SRPK2: variants seen among roughly 807,000 people sequenced by gnomAD.
SRPK2 encodes SFRS protein kinase 2.
In SRPK2, 21 loss-of-function variants were observed where a neutral mutation model predicts 90.8. The ratio of observed to expected loss-of-function variants is 0.23; its 90% CI spans 0.16 to 0.33. SRPK2 has a LOEUF of 0.33. SRPK2 is among the 10% of genes least tolerant of loss of function. SRPK2 has a pLI of 1.00. For synonymous variants in SRPK2, 288 were observed against 311.1 expected (o/e 0.93, Z 0.78); for missense variants, 620 against 869.0 (o/e 0.71, Z 3.60).
chr7:105,171,089 G>A (rs973780608), intron 3 of SRPK2, among the ~76,000 whole-genome samples: 2 of 151,162 alleles, frequency 1.3e-5, no homozygotes, highest in African/African-American at 4.9e-5. Context: ...GGAGGGGAGG[G>A]GAGGGGACGG....
intron 2 of SRPK2, among the ~76,000 whole-genome samples, chr7:105,205,523 A>ACACACT (rs1796110305): frequency 6.3e-5 from 1 of 15,944 alleles, no homozygotes; most frequent in Admixed American, 4.7e-4. Flanking sequence ...TCTCTCACAC[A>ACACACT]CACACACACA....
At chr7:105,240,104 G>A (rs6966539) in intron 2 of SRPK2, among the ~76,000 whole-genome samples, 62,858 of 151,958 alleles carry the variant, frequency 0.41, 14,891 homozygotes, top group Non-Finnish European at 0.53. Flanking sequence ...CACAGTTCTG[G>A]TGGCTGGAAG....
At chr7:105,349,842 G>A (rs1816944932) in intron 2 of SRPK2, among the ~76,000 whole-genome samples, 1 of 151,838 alleles carries the variant, frequency 6.6e-6, no homozygotes, top group Non-Finnish European at 1.5e-5. Flanking sequence ...AGGTTCAAGC[G>A]ATTCTCCTGC....
At chr7:105,324,301 C>T (rs56063525) in intron 2 of SRPK2, among the ~76,000 whole-genome samples, 5,045 of 151,534 alleles carry the variant, frequency 0.033, 304 homozygotes, top group African/African-American at 0.12. Context: ...GCCACTGCGC[C>T]GGGCCAACTA....
At chr7:105,227,479 T>C (rs537180886) in intron 2 of SRPK2, among the ~76,000 whole-genome samples, 14 of 152,294 alleles carry the variant, frequency 9.2e-5, no homozygotes, top group African/African-American at 3.4e-4. Flanking sequence ...CATGACAAGA[T>C]GGCTCAACAT....
intron 7 of SRPK2, among the ~76,000 whole-genome samples, chr7:105,149,081 C>T (rs183737582): frequency 2.1e-3 from 327 of 152,286 alleles, no homozygotes; most frequent in African/African-American, 7.4e-3. Context: ...CAGCCCAACA[C>T]CCATAAAGGG....
intron 2 of SRPK2, among the ~76,000 whole-genome samples, chr7:105,217,840 T>C (rs1353621168): frequency 1.3e-5 from 2 of 152,214 alleles, no homozygotes; most frequent in Non-Finnish European, 2.9e-5. Flanking sequence ...CGTAGCTTGA[T>C]AACATTACTT....
upstream of SRPK2, chr7:105,389,002 C>G (rs1001292457): frequency 4.0e-4 from 404 of 1,005,856 alleles, no homozygotes; most frequent in Non-Finnish European, 3.3e-4. Flanking sequence ...CCCGCCCCCA[C>G]CCGCCGGCCC....
intron 2 of SRPK2, among the ~76,000 whole-genome samples, chr7:105,250,730 C>T (rs1440100329): frequency 6.6e-6 from 1 of 152,188 alleles, no homozygotes; most frequent in African/African-American, 2.4e-5. Context: ...AAAAGCTCTT[C>T]TCCAAATTCA....
chr7:105,203,034 G>A (rs1018496026), intron 3 of SRPK2, among the ~76,000 whole-genome samples: 5 of 152,136 alleles, frequency 3.3e-5, no homozygotes, highest in Admixed American at 6.5e-5. Flanking sequence ...TGCCGCCCAG[G>A]CTGGACTGCA....
At chr7:105,198,033 T>C (rs1381179929) in intron 3 of SRPK2, among the ~76,000 whole-genome samples, 1 of 152,186 alleles carries the variant, frequency 6.6e-6, no homozygotes, top group Non-Finnish European at 1.5e-5. Flanking sequence ...CATAAGGTAG[T>C]TCAAAGCAAT....
At chr7:105,389,145 C>G, upstream of SRPK2, 2 of 1,011,870 alleles carry the variant, frequency 2.0e-6, no homozygotes, top group Non-Finnish European at 2.4e-6. Context: ...CCCGGGCCTC[C>G]GCCTCCTGCG....
At chr7:105,331,337 A>AAC (rs1554512429) in intron 2 of SRPK2, among the ~76,000 whole-genome samples, 42 of 141,940 alleles carry the variant, frequency 3.0e-4, no homozygotes, top group Non-Finnish European at 5.8e-4. Flanking sequence ...AAAAAAAAAA[A>AAC]CAAATAGTTA....
At chr7:105,389,333 T>G, upstream of SRPK2, 1 of 1,279,428 alleles carries the variant, frequency 7.8e-7, no homozygotes, top group Non-Finnish European at 1.0e-6. Flanking sequence ...CCGCGGCCTC[T>G]TCTCTCCCTT....
intron 2 of SRPK2, among the ~76,000 whole-genome samples, chr7:105,226,621 G>A (rs954772616): frequency 3.9e-5 from 6 of 152,050 alleles, no homozygotes; most frequent in African/African-American, 1.2e-4. Flanking sequence ...TCCAAGCCAC[G>A]CATACCAAAG....
In SRPK2 at chr7:105,388,707, G is replaced by C; in HGVS notation, c.17-5C>G. On this transcript the variant is annotated splice_polypyrimidine_tract_variant and splice_region_variant and intron_variant, in intron 1 of 15. Transcript: ENST00000393651. Reference sequence around the variant, plus strand: ...TTCGGGCCTGAATGGCCAGCACTGGGGAAGAGAAGACACACATTAACGGTC... The same window carrying C: ...TTCGGGCCTGAATGGCCAGCACTGGCGAAGAGAAGACACACATTAACGGTC... The C allele has an allele frequency of 1.9e-6, 3 of 1,581,034 alleles. No individual in the cohort carries two copies. Among genetic ancestry groups the C allele is most frequent in the Non-Finnish European group, 2.6e-6 (3 of 1,162,896 alleles).
At chr7:105,372,596 A>G (rs936920786) in intron 2 of SRPK2, among the ~76,000 whole-genome samples, 2 of 152,182 alleles carry the variant, frequency 1.3e-5, no homozygotes, top group Non-Finnish European at 2.9e-5. Flanking sequence ...TATTCACACA[A>G]GTTGTACTAT....
At chr7:105,364,861 T>G (rs1818851904) in intron 2 of SRPK2, among the ~76,000 whole-genome samples, 1 of 152,118 alleles carries the variant, frequency 6.6e-6, no homozygotes, top group African/African-American at 2.4e-5. Flanking sequence ...AAAGGCAATC[T>G]CTCACTGGCT....
At chr7:105,177,663 A>C (rs1054813855) in intron 3 of SRPK2, among the ~76,000 whole-genome samples, 3 of 152,184 alleles carry the variant, frequency 2.0e-5, no homozygotes, top group Admixed American at 6.5e-5. Flanking sequence ...GGGAGTTCAT[A>C]GGTTATCACT....
Sources: allele counts gnomAD v4.1 joint callset (sites outside exome capture counted in the v4.1 genomes callset), GRCh38; gene constraint gnomAD v4.1.1; transcripts MANE v1.5; gene names NCBI Gene and HGNC (gene_info 2026-07-23, HGNC 2026-07-21).